The following TMEM178B variants were observed in gnomAD, a reference collection of about 807,000 sequenced individuals.
TMEM178B encodes transmembrane protein 178B.
A neutral mutation model predicts 31.0 loss-of-function variants in TMEM178B; 5 were observed. The ratio of observed to expected loss-of-function variants is 0.16; its 90% CI spans 0.08 to 0.34. TMEM178B has a LOEUF of 0.34. Among genes scored for constraint, TMEM178B ranks in the 10% least tolerant of loss-of-function variants. The pLI is 1.00. For missense variants in TMEM178B, 275 were observed against 400.3 expected (o/e 0.69, Z 2.67); for synonymous variants, 164 against 164.0 (o/e 1.00, Z 0.00).
rs1183535065 is a variant in TMEM178B at position 141,228,031 on chromosome 7, G to GGT, written c.496+15334_496+15335dup. Among the ~76,000 whole-genome samples the GGT allele has an allele frequency of 6.0e-5, 9 of 151,236 alleles. No individual in the cohort carries two copies. The East Asian group carries it at 1.7e-3, about 29-fold the overall frequency. ...TTTCTCTGTCCATACAAAGAAATAA[G>GGT]GTGTGTGTACACACACACACACACA... On this transcript the variant is annotated intron_variant, in intron 2 of 3. Transcript: ENST00000565468.
chr7:141,260,277 T>C (rs962132214), intron 2 of TMEM178B, among the ~76,000 whole-genome samples: 6 of 152,262 alleles, frequency 3.9e-5, no homozygotes, highest in South Asian at 2.1e-4. Flanking sequence ...TCCACCTTAA[T>C]TGAAGTACTG....
At chr7:141,407,723 C>A (rs1800909743) in intron 2 of TMEM178B, among the ~76,000 whole-genome samples, 1 of 152,154 alleles carries the variant, frequency 6.6e-6, no homozygotes, top group Non-Finnish European at 1.5e-5. Flanking sequence ...CCTATTGGAA[C>A]CCAATCTGAT....
intron 1 of TMEM178B, among the ~76,000 whole-genome samples, chr7:141,150,357 A>G (rs562592325): frequency 2.0e-5 from 3 of 152,180 alleles, no homozygotes; most frequent in Non-Finnish European, 2.9e-5. Context: ...CCACAGCTAC[A>G]TGGGCTCAGT....
intron 1 of TMEM178B, among the ~76,000 whole-genome samples, chr7:141,179,682 T>G (rs1052163054): frequency 6.6e-6 from 1 of 152,110 alleles, no homozygotes; most frequent in Non-Finnish European, 1.5e-5. Flanking sequence ...CAGAGCACCA[T>G]ATGAAGGGTG....
chr7:141,187,319 A>G (rs1014835463), intron 1 of TMEM178B, among the ~76,000 whole-genome samples: 41 of 151,586 alleles, frequency 2.7e-4, no homozygotes, highest in South Asian at 2.1e-4. Context: ...TATGTGCCAC[A>G]TTTTCTTAAT....
chr7:141,262,850 T>C (rs1798036618), intron 2 of TMEM178B, among the ~76,000 whole-genome samples: 1 of 152,170 alleles, frequency 6.6e-6, no homozygotes, highest in South Asian at 2.1e-4. Context: ...GGCAGTTGGC[T>C]GGGACTCAGG....
At chr7:141,336,933 TCAC>T (rs1563155185) in intron 2 of TMEM178B, among the ~76,000 whole-genome samples, 3 of 35,294 alleles carry the variant, frequency 8.5e-5, no homozygotes, top group South Asian at 1.4e-3. Context: ...ACCACCACCA[TCAC>T]CACCACCATC....
At chr7:141,370,416 A>G (rs1021974240) in intron 2 of TMEM178B, among the ~76,000 whole-genome samples, 1 of 152,214 alleles carries the variant, frequency 6.6e-6, no homozygotes, top group African/African-American at 2.4e-5. Flanking sequence ...GCAATGTGCA[A>G]AGTGCATAAG....
At chr7:141,215,920 T>A (rs1471113543) in intron 2 of TMEM178B, among the ~76,000 whole-genome samples, 2 of 149,616 alleles carry the variant, frequency 1.3e-5, no homozygotes, top group Non-Finnish European at 3.0e-5. Flanking sequence ...TTCTTTTTTT[T>A]TTTTTGACAG....
chr7:141,297,110 T>C (rs1339946030), intron 2 of TMEM178B: 1 of 152,184 alleles, frequency 6.6e-6, no homozygotes, highest in Non-Finnish European at 1.5e-5. Flanking sequence ...TGACCAAGAC[T>C]TTGCGTTGTA....
At chr7:141,126,373 A>G (rs1391466621) in intron 1 of TMEM178B, among the ~76,000 whole-genome samples, 1 of 152,206 alleles carries the variant, frequency 6.6e-6, no homozygotes, top group Non-Finnish European at 1.5e-5. Context: ...AAGCTTTGTA[A>G]TTTGAGCTAA....
intron 2 of TMEM178B, among the ~76,000 whole-genome samples, chr7:141,298,915 A>AC (rs534555981): frequency 8.3e-4 from 127 of 152,188 alleles, no homozygotes; most frequent in Middle Eastern, 3.4e-3. Context: ...CAGGACTTTG[A>AC]CCCCTACTCC....
At chr7:141,220,685 G>C (rs2129189429) in intron 2 of TMEM178B, among the ~76,000 whole-genome samples, 1 of 152,316 alleles carries the variant, frequency 6.6e-6, no homozygotes, top group South Asian at 2.1e-4. Flanking sequence ...ATTTTGTGCT[G>C]GGAATTAGTT....
intron 2 of TMEM178B, among the ~76,000 whole-genome samples, chr7:141,330,186 C>G (rs1039840707): frequency 6.6e-6 from 1 of 152,054 alleles, no homozygotes; most frequent in Non-Finnish European, 1.5e-5. Flanking sequence ...TAAACATGTT[C>G]TATGATGGTT....
At chr7:141,207,970 G>A (rs1000424619) in intron 1 of TMEM178B, among the ~76,000 whole-genome samples, 14 of 151,980 alleles carry the variant, frequency 9.2e-5, no homozygotes, top group Admixed American at 2.6e-4. Context: ...TGGGCAGATC[G>A]CTTGAGCCTA....
intron 2 of TMEM178B, among the ~76,000 whole-genome samples, chr7:141,387,348 A>C (rs1800450625): frequency 6.6e-6 from 1 of 152,170 alleles, no homozygotes; most frequent in South Asian, 2.1e-4. Context: ...TTTATTCTAT[A>C]GATAGGGAAA....
At chr7:141,222,282 A>T (rs1168493297) in intron 2 of TMEM178B, among the ~76,000 whole-genome samples, 1 of 152,196 alleles carries the variant, frequency 6.6e-6, no homozygotes, top group Non-Finnish European at 1.5e-5. Flanking sequence ...TCTTCCTAAT[A>T]TCTAGCCTCC....
At chr7:141,467,971 C>CA (rs1011175319) in intron 3 of TMEM178B, among the ~76,000 whole-genome samples, 9,198 of 74,604 alleles carry the variant, frequency 0.12, 530 homozygotes, top group East Asian at 0.33. Context: ...GATGATCTTT[C>CA]AAAAAAAAAA....
chr7:141,285,238 C>T (rs1338614124), intron 2 of TMEM178B, among the ~76,000 whole-genome samples: 1 of 144,574 alleles, frequency 6.9e-6, no homozygotes, highest in Non-Finnish European at 1.5e-5. Flanking sequence ...TCAAGCTCTG[C>T]CTCCCGGATT....
Sources: allele counts gnomAD v4.1 joint callset (sites outside exome capture counted in the v4.1 genomes callset), GRCh38; gene constraint gnomAD v4.1.1; transcripts MANE v1.5; gene names NCBI Gene and HGNC (gene_info 2026-07-23, HGNC 2026-07-21).